MANBAL: variants seen among roughly 807,000 people sequenced by gnomAD.
MANBAL encodes protein MANBAL.
In MANBAL, 1 loss-of-function variant was observed where a neutral mutation model predicts 6.4. That is an observed-to-expected ratio of 0.16 (90% CI 0.06 to 0.74). The LOEUF (loss-of-function observed/expected upper bound fraction) is 0.74. Among genes scored for constraint, MANBAL ranks in the 30% least tolerant of loss-of-function variants. The probability of loss-of-function intolerance (pLI) is 0.78; values close to 1 mark genes in which losing one functional copy is unlikely to be tolerated. For synonymous variants in MANBAL, 47 were observed against 45.8 expected, an observed-to-expected ratio of 1.03 and a Z score of -0.10; for missense variants, 100 against 107.8, an observed-to-expected ratio of 0.93 and a Z score of 0.32.
intron 2 of MANBAL, among the ~76,000 whole-genome samples, chr20:37,311,395 C>T (rs1244535560): frequency 6.6e-6 from 1 of 152,208 alleles, no homozygotes; most frequent in African/African-American, 2.4e-5. Flanking sequence ...GAATTTATCT[C>T]ACACAAAGGG....
At chr20:37,292,730 C>T (rs1212250792) in intron 1 of MANBAL, among the ~76,000 whole-genome samples, 1 of 152,218 alleles carries the variant, frequency 6.6e-6, no homozygotes, top group African/African-American at 2.4e-5. Flanking sequence ...TCCTGTATCC[C>T]TTTGACATAT....
At chr20:37,313,438 C>G (rs1008672732) in intron 2 of MANBAL, among the ~76,000 whole-genome samples, 1 of 152,192 alleles carries the variant, frequency 6.6e-6, no homozygotes, top group African/African-American at 2.4e-5. Flanking sequence ...GGCGCAGTGG[C>G]TCACGCCTGT....
At chr20:37,297,399 C>G (rs898018519) in intron 1 of MANBAL, 16 of 152,086 alleles carry the variant, frequency 1.1e-4, no homozygotes, top group African/African-American at 3.9e-4. Context: ...AGGATTCTGG[C>G]TGGGAAGAAA....
intron 1 of MANBAL, chr20:37,297,018 T>C (rs1381578952): frequency 6.6e-6 from 1 of 152,214 alleles, no homozygotes; most frequent in Non-Finnish European, 1.5e-5. Context: ...CTCATAAAGC[T>C]TGTTACAGCC....
At chr20:37,304,454 CCTTT>C (rs1365334910) in intron 2 of MANBAL, among the ~76,000 whole-genome samples, 1 of 152,158 alleles carries the variant, frequency 6.6e-6, no homozygotes, top group Non-Finnish European at 1.5e-5. Flanking sequence ...GTTTATCTTT[CCTTT>C]GTTTCTTTTT....
chr20:37,316,800 A>T lies in MANBAL; in HGVS notation c.*385A>T. 5.4e-6 allele frequency: 1 copy of T among 184,802 alleles called. No homozygotes were observed. Among genetic ancestry groups the T allele is most frequent in the Non-Finnish European group, 1.1e-5 (1 of 89,460 alleles). The allele number at this position is 184,802 out of a possible 1,614,324, so 11.4% of individuals were successfully genotyped here. A position where few individuals can be genotyped will look rare whatever the true frequency, so the allele number is the denominator to read the frequency against. On this transcript the variant is annotated 3_prime_UTR_variant, in exon 3 of 3. Transcript: ENST00000373606. ...GTCATTGTCTAATGCTGACAAGCAC[A>T]CCCTCTCCCATTATTTGTGCACTAC...
At chr20:37,294,722 T>C (rs898684026) in intron 1 of MANBAL, among the ~76,000 whole-genome samples, 16 of 152,198 alleles carry the variant, frequency 1.1e-4, no homozygotes, top group African/African-American at 3.9e-4. Context: ...AATAGTACTA[T>C]CCTCTTCTTC....
rs1039620528 is a variant in MANBAL at position 37,311,874 on chromosome 20, A to C, written c.151-4434A>C. On this transcript the variant is annotated intron_variant, in intron 2 of 2. Coordinates refer to ENST00000373606, the MANE Select transcript of MANBAL (RefSeq NM_001003897.2). ...GGGGAGGTAGAGGCACGGGCAGGAG[A>C]GTCTGTGGGAGGCAGATGCAACCAG... Among the ~76,000 whole-genome samples, 3 of 152,228 alleles carry C rather than the reference A, an allele frequency of 2.0e-5. No individual in the cohort carries two copies. In the South Asian group the frequency reaches 6.2e-4, roughly 32 times the overall value.
At chr20:37,313,943 AG>A (rs767976207) in intron 2 of MANBAL, among the ~76,000 whole-genome samples, 10 of 152,228 alleles carry the variant, frequency 6.6e-5, no homozygotes, top group Non-Finnish European at 1.2e-4. Flanking sequence ...AGGGATGAAG[AG>A]GAGCCCATGT....
intron 2 of MANBAL, among the ~76,000 whole-genome samples, chr20:37,311,698 G>C (rs1233780570): frequency 6.6e-6 from 1 of 152,204 alleles, no homozygotes; most frequent in Non-Finnish European, 1.5e-5. Flanking sequence ...TGTTGGTCAG[G>C]CTGGTCTTGA....
At chr20:37,295,347 A>G (rs2068969330) in intron 1 of MANBAL, among the ~76,000 whole-genome samples, 1 of 152,250 alleles carries the variant, frequency 6.6e-6, no homozygotes, top group Admixed American at 6.5e-5. Context: ...TTCTCAAACA[A>G]TAAGAAATAA....
chr20:37,316,410 C>T lies in MANBAL; in HGVS notation c.253C>T (p.Arg85Trp), dbSNP rs755148793. ...KRPKKETKKK[R>W] ...GCCCAAGAAAGAGACTAAGAAGAAG[C>T]GGTAGAAGAGGAGGCCTGAGGAGCT... The change falls in exon 3 of 3, where the codon CGG becomes TGG. Residue 85 changes from arginine (R) to tryptophan (W), a missense_variant. Transcript: ENST00000373606. The T allele has an allele frequency of 1.6e-5, 26 of 1,612,496 alleles. No homozygotes were observed. The highest frequency in any genetic ancestry group is 1.2e-4 in the Admixed American group (7 of 59,838).
chr20:37,294,593 C>G (rs11906219), intron 1 of MANBAL, among the ~76,000 whole-genome samples: 2 of 152,224 alleles, frequency 1.3e-5, no homozygotes, highest in Admixed American at 1.3e-4. Flanking sequence ...TGGCCCTTGC[C>G]GTCCCTCCAT....
chr20:37,312,716 G>T (rs1568604610), intron 2 of MANBAL, among the ~76,000 whole-genome samples: 1 of 152,186 alleles, frequency 6.6e-6, no homozygotes, highest in Non-Finnish European at 1.5e-5. Flanking sequence ...CACAGTCATA[G>T]CGCACTACAG....
chr20:37,301,239 C>G lies in MANBAL; in HGVS notation c.-25C>G, dbSNP rs1330999324. On this transcript the variant is annotated 5_prime_UTR_variant, in exon 2 of 3. Transcript: ENST00000373606. ...CTAAAGAGTGGTGAGTCAGAAGAGA[C>G]GTCAGGCAGCAAGCGACTTGGGCCA... 6.4e-7 allele frequency: 1 copy of G among 1,563,716 alleles called. No individual in the cohort carries two copies. Among genetic ancestry groups the G allele is most frequent in the Admixed American group, 1.8e-5 (1 of 55,550 alleles).
intron 1 of MANBAL, among the ~76,000 whole-genome samples, chr20:37,297,736 G>A (rs771137412): frequency 2.0e-5 from 3 of 151,430 alleles, no homozygotes; most frequent in South Asian, 4.2e-4. Flanking sequence ...TCCGTCTCCC[G>A]AGTTCAAGCG....
intron 2 of MANBAL, among the ~76,000 whole-genome samples, chr20:37,307,777 CA>C (rs2069291250): frequency 6.6e-6 from 1 of 151,652 alleles, no homozygotes; most frequent in South Asian, 2.1e-4. Context: ...AAAAGGAAAC[CA>C]AACAAATACA....
chr20:37,316,507 T>G lies in MANBAL; in HGVS notation c.*92T>G. On this transcript the variant is annotated 3_prime_UTR_variant, in exon 3 of 3. Coordinates refer to ENST00000373606, the MANE Select transcript of MANBAL (RefSeq NM_001003897.2). ...CATTGTGTTCCCCCGCATTCCAGGC[T>G]CAGGGTCTGAGGAGGCTGTGACGCC... 1 of 1,181,922 alleles carries G rather than the reference T, an allele frequency of 8.5e-7. No homozygotes were observed. The highest frequency in any genetic ancestry group is 1.2e-6 in the Non-Finnish European group (1 of 833,190). 73.2% of individuals were successfully genotyped at this position (1,181,922 alleles called of 1,614,324 possible). A position where few individuals can be genotyped will look rare whatever the true frequency, so the allele number is the denominator to read the frequency against.
At chr20:37,290,424 T>G (rs1284859056) in intron 1 of MANBAL, among the ~76,000 whole-genome samples, 1 of 150,562 alleles carries the variant, frequency 6.6e-6, no homozygotes, top group Non-Finnish European at 1.5e-5. Context: ...CATAAAGCGG[T>G]AACTTCTTTT....
Sources: gnomAD v4.1 joint callset for allele counts (sites outside exome capture counted in the v4.1 genomes callset) on GRCh38, gnomAD v4.1.1 for gene constraint, MANE v1.5 for transcripts, NCBI Gene and HGNC (gene_info 2026-07-23, HGNC 2026-07-21) for gene names.